The following CHN1 variants were observed in gnomAD, a reference collection of about 807,000 sequenced individuals.
CHN1 encodes chimerin 1, also known as N-chimaerin.
CHN1 carries 37 observed loss-of-function variants against 59.5 expected under a neutral mutation model. That is an observed-to-expected ratio of 0.62 (90% CI 0.48 to 0.82). The LOEUF is 0.82. Ranked by LOEUF, CHN1 falls within the 40% of genes least tolerant of loss-of-function variation. The pLI is 0.00. For missense variants in CHN1, 469 were observed against 571.0 expected (o/e 0.82, Z 1.82); for synonymous variants, 206 against 200.4 (o/e 1.03, Z -0.24).
At chr2:174,939,621 CTCACTT>C (rs1173661385) in intron 3 of CHN1, among the ~76,000 whole-genome samples, 3 of 152,192 alleles carry the variant, frequency 2.0e-5, no homozygotes, top group African/African-American at 7.2e-5. Context: ...CTGCCAATTT[CTCACTT>C]TCAGTTTCTC....
chr2:174,988,555 T>A (rs1174241045), intron 1 of CHN1, among the ~76,000 whole-genome samples: 1 of 152,206 alleles, frequency 6.6e-6, no homozygotes, highest in Non-Finnish European at 1.5e-5. Context: ...TGATTACTTA[T>A]AACAATATAT....
chr2:174,845,507 T>A lies in CHN1; in HGVS notation c.627+1373A>T, dbSNP rs188650756. On this transcript the variant is annotated intron_variant, in intron 7 of 12. Coordinates refer to ENST00000409900, the MANE Select transcript of CHN1 (RefSeq NM_001822.7). The stretch of plus-strand genomic sequence containing the variant: ...AATGAAAGATGTAGTGAATGCTAGA[T>A]ACACATATGATACCTCTTTTCTATC... 9.8e-5 allele frequency among the ~76,000 whole-genome samples: 15 copies of A among 152,296 alleles called. No homozygotes were observed. In the South Asian group the frequency reaches 1.9e-3, roughly 19 times the overall value.
chr2:175,004,567 C>A (rs898944891), intron 1 of CHN1, among the ~76,000 whole-genome samples: 1 of 152,216 alleles, frequency 6.6e-6, no homozygotes, highest in South Asian at 2.1e-4. Context: ...ACGGGAAAGG[C>A]AGGTTTGAAA....
chr2:174,841,673 C>T (rs941837644), intron 7 of CHN1, among the ~76,000 whole-genome samples: 1 of 151,654 alleles, frequency 6.6e-6, no homozygotes, highest in African/African-American at 2.4e-5. Context: ...GGAGAAATTC[C>T]AAGTAAGAAA....
chr2:174,816,933 AT>A (rs1437059327), intron 8 of CHN1, among the ~76,000 whole-genome samples: 3 of 152,024 alleles, frequency 2.0e-5, no homozygotes, highest in African/African-American at 7.2e-5. Context: ...GTAAAAAGCT[AT>A]CCCAATATCT....
chr2:174,954,776 A>T (rs1009378352), intron 1 of CHN1, among the ~76,000 whole-genome samples: 1 of 152,198 alleles, frequency 6.6e-6, no homozygotes, highest in East Asian at 1.9e-4. Context: ...GGCCATAATT[A>T]AAAAATCAAA....
At chr2:174,822,368 G>A (rs1574055938) in intron 8 of CHN1, among the ~76,000 whole-genome samples, 2 of 152,136 alleles carry the variant, frequency 1.3e-5, no homozygotes, top group Non-Finnish European at 2.9e-5. Context: ...TTATTGACAT[G>A]ATAAATGTTC....
chr2:174,949,495 CACAGGAGTACA>C (rs1173918939), intron 2 of CHN1, among the ~76,000 whole-genome samples: 2 of 151,900 alleles, frequency 1.3e-5, no homozygotes, highest in Non-Finnish European at 2.9e-5. Context: ...TAGCTGGGAC[CACAGGAGTACA>C]ACACCATGCC....
intron 1 of CHN1, among the ~76,000 whole-genome samples, chr2:174,979,389 G>A (rs1449249170): frequency 6.6e-6 from 1 of 152,114 alleles, no homozygotes; most frequent in East Asian, 1.9e-4. Context: ...AAAAAAGAAA[G>A]ATCAATTTAC....
chr2:174,950,607 T>C (rs961581930), intron 2 of CHN1, among the ~76,000 whole-genome samples: 2 of 151,988 alleles, frequency 1.3e-5, no homozygotes, highest in African/African-American at 4.8e-5. Flanking sequence ...CTACAAAAAA[T>C]ACCAGTTGCA....
chr2:174,860,014 C>T (rs535094444), intron 6 of CHN1, among the ~76,000 whole-genome samples: 3 of 152,002 alleles, frequency 2.0e-5, no homozygotes, highest in Non-Finnish European at 4.4e-5. Flanking sequence ...ATATGTTGAT[C>T]TCATTTAGAT....
At chr2:174,896,923 T>C (rs1003659819) in intron 5 of CHN1, among the ~76,000 whole-genome samples, 4 of 152,156 alleles carry the variant, frequency 2.6e-5, no homozygotes, top group African/African-American at 7.2e-5. Flanking sequence ...TTTTTACCTA[T>C]ACTGTAAATA....
intron 2 of CHN1, among the ~76,000 whole-genome samples, chr2:174,951,879 T>C (rs574050147): frequency 1.3e-5 from 2 of 152,332 alleles, no homozygotes; most frequent in Admixed American, 1.3e-4. Flanking sequence ...TGTCTCCTTG[T>C]ATTAGCTTCA....
chr2:174,988,815 G>A (rs541894611), intron 1 of CHN1, among the ~76,000 whole-genome samples: 20 of 152,232 alleles, frequency 1.3e-4, no homozygotes, highest in African/African-American at 4.6e-4. Context: ...GGTGTATATT[G>A]CTGTAATTTA....
chr2:174,897,638 A>G (rs1487013853), intron 5 of CHN1, among the ~76,000 whole-genome samples: 1 of 152,176 alleles, frequency 6.6e-6, no homozygotes, highest in Non-Finnish European at 1.5e-5. Flanking sequence ...TAGCTAGTTA[A>G]GCTACCCATA....
At chr2:174,863,978 C>T (rs1046315850) in intron 6 of CHN1, among the ~76,000 whole-genome samples, 2 of 152,116 alleles carry the variant, frequency 1.3e-5, no homozygotes, top group African/African-American at 2.4e-5. Flanking sequence ...TAAGTACTAG[C>T]ATTAGTAAGA....
At chr2:174,905,139 C>T (rs567105889) in intron 5 of CHN1, among the ~76,000 whole-genome samples, 28 of 152,108 alleles carry the variant, frequency 1.8e-4, no homozygotes, top group Non-Finnish European at 3.4e-4. Flanking sequence ...TTGGTGACTC[C>T]AAATCATTCA....
At chr2:174,916,267 C>T (rs978802520) in intron 4 of CHN1, among the ~76,000 whole-genome samples, 8 of 152,184 alleles carry the variant, frequency 5.3e-5, no homozygotes, top group Admixed American at 5.2e-4. Flanking sequence ...TGATGGTATA[C>T]AAACTCTCAA....
At chr2:174,842,566 T>G (rs1160589756) in intron 7 of CHN1, among the ~76,000 whole-genome samples, 1 of 152,222 alleles carries the variant, frequency 6.6e-6, no homozygotes, top group East Asian at 1.9e-4. Flanking sequence ...ATTTGTTCAT[T>G]CATTTTGTAT....
Sources: gnomAD v4.1 joint callset for allele counts (sites outside exome capture counted in the v4.1 genomes callset) on GRCh38, gnomAD v4.1.1 for gene constraint, MANE v1.5 for transcripts, NCBI Gene and HGNC (gene_info 2026-07-23, HGNC 2026-07-21) for gene names.